Variants in RORA observed in about 807,000 individuals in gnomAD.
RORA encodes nuclear receptor ROR-alpha.
In RORA, 7 loss-of-function variants were observed where a neutral mutation model predicts 69.5. The ratio of observed to expected loss-of-function variants is 0.10; its 90% confidence interval spans 0.06 to 0.19. The LOEUF (loss-of-function observed/expected upper bound fraction) is 0.19. Ranked by LOEUF, RORA falls within the 10% of genes least tolerant of loss-of-function variation. The pLI is 1.00. For missense variants in RORA, 457 were observed against 663.0 expected, an observed-to-expected ratio of 0.69 and a Z score of 3.41; for synonymous variants, 261 against 240.8, an observed-to-expected ratio of 1.08 and a Z score of -0.78.
At chr15:60,563,001 T>A (rs10851685) in intron 2 of RORA, among the ~76,000 whole-genome samples, 134,298 of 152,184 alleles carry the variant, frequency 0.88, 59,561 homozygotes, top group African/African-American at 0.96. Context: ...TTCAATCTAT[T>A]CTCCCAGGTG....
chr15:60,987,757 C>T (rs189898445), intron 1 of RORA, among the ~76,000 whole-genome samples: 2 of 152,274 alleles, frequency 1.3e-5, no homozygotes, highest in East Asian at 3.9e-4. Flanking sequence ...TACTGGGCTG[C>T]CTTCATTTAA....
chr15:60,783,873 C>A (rs16943109), intron 1 of RORA, among the ~76,000 whole-genome samples: 2 of 152,198 alleles, frequency 1.3e-5, no homozygotes, highest in Non-Finnish European at 2.9e-5. Context: ...GAAGGAAACC[C>A]AGATCCATGT....
chr15:60,564,124 T>A (rs1019693787), intron 2 of RORA, among the ~76,000 whole-genome samples: 1 of 152,200 alleles, frequency 6.6e-6, no homozygotes, highest in Non-Finnish European at 1.5e-5. Flanking sequence ...TGTGGAGACA[T>A]GTTGAGAAGC....
chr15:60,540,574 C>CACCG (rs376142482), intron 2 of RORA, among the ~76,000 whole-genome samples: 2 of 102,644 alleles, frequency 1.9e-5, no homozygotes, highest in Non-Finnish European at 3.9e-5. Flanking sequence ...ACCCCCCCCC[C>CACCG]CCAAAACTGT....
rs546389237 is a variant in RORA at position 61,019,096 on chromosome 15, G to A, written c.166+209957C>T. 5.9e-5 allele frequency among the ~76,000 whole-genome samples: 9 copies of A among 152,216 alleles called. No homozygotes were observed. In the South Asian group the frequency reaches 1.9e-3, roughly 32 times the overall value. The stretch of plus-strand genomic sequence containing the variant: ...CCCAAATGCTCTTAACATCTCCAAA[G>A]CTCTCTAATACAAAAGGACCCAGTT... On this transcript the variant is annotated intron_variant, in intron 1 of 10. Transcript: ENST00000335670.
intron 1 of RORA, among the ~76,000 whole-genome samples, chr15:61,086,491 G>A (rs1055959587): frequency 2.0e-4 from 31 of 152,126 alleles, no homozygotes; most frequent in South Asian, 4.1e-4. Flanking sequence ...TTGCTATATT[G>A]AGTCACTGCT....
At chr15:60,866,437 G>C (rs1228918581) in intron 1 of RORA, among the ~76,000 whole-genome samples, 1 of 152,156 alleles carries the variant, frequency 6.6e-6, no homozygotes. Context: ...TTTCAGAAGG[G>C]ATAAGAGAAT....
intron 1 of RORA, among the ~76,000 whole-genome samples, chr15:60,908,748 C>A (rs886086792): frequency 6.6e-6 from 1 of 152,134 alleles, no homozygotes; most frequent in Non-Finnish European, 1.5e-5. Context: ...AAGCTTATTA[C>A]CCCCACAGAA....
intron 2 of RORA, among the ~76,000 whole-genome samples, chr15:60,605,828 T>C (rs546863570): frequency 1.3e-5 from 2 of 152,344 alleles, no homozygotes; most frequent in South Asian, 2.1e-4. Flanking sequence ...TTTAAACATA[T>C]AAATCGTCAT....
At chr15:61,082,619 T>C (rs2078562219) in intron 1 of RORA, among the ~76,000 whole-genome samples, 1 of 152,170 alleles carries the variant, frequency 6.6e-6, no homozygotes, top group Admixed American at 6.5e-5. Context: ...TGAGTATGTG[T>C]GGACAGGCAG....
At position 60,628,803 on chromosome 15, in the gene RORA, C is replaced by T. The variant is rs138008395; in HGVS notation, c.196+49854G>A. Among the ~76,000 whole-genome samples, 6 of 152,220 alleles carry T rather than the reference C, an allele frequency of 3.9e-5. No homozygotes were observed. The East Asian group carries it at 7.7e-4, about 20-fold the overall frequency. On this transcript the variant is annotated intron_variant, in intron 2 of 10. Coordinates refer to ENST00000335670, the MANE Select transcript of RORA (RefSeq NM_134261.3). ...GCTGAATAATAAAAGACGGTATGCA[C>T]CCAAATGTCAAGTAAGGAGAACCCA...
At chr15:60,984,248 T>C (rs775248498) in intron 1 of RORA, among the ~76,000 whole-genome samples, 17 of 152,106 alleles carry the variant, frequency 1.1e-4, no homozygotes, top group Non-Finnish European at 1.6e-4. Flanking sequence ...AATTACACTT[T>C]CCCTATGAAA....
chr15:60,514,526 C>G, intron 4 of RORA, 90 bp downstream of exon 4: 1 of 1,279,784 alleles, frequency 7.8e-7, no homozygotes, highest in African/African-American at 1.5e-5. Context: ...AGGGGGCAGG[C>G]GGGGCAGATA....
At chr15:61,013,809 T>C (rs1193313289) in intron 1 of RORA, among the ~76,000 whole-genome samples, 1 of 102,214 alleles carries the variant, frequency 9.8e-6, no homozygotes, top group Non-Finnish European at 1.9e-5. Context: ...TTTTGGAGGG[T>C]GTCTCGCTCG....
chr15:60,761,187 G>A (rs2071882696), intron 1 of RORA, among the ~76,000 whole-genome samples: 1 of 152,180 alleles, frequency 6.6e-6, no homozygotes, highest in African/African-American at 2.4e-5. Flanking sequence ...GCAGGATGGA[G>A]GACGTGGGGG....
At chr15:60,770,598 T>C (rs1252395958) in intron 1 of RORA, among the ~76,000 whole-genome samples, 1 of 152,116 alleles carries the variant, frequency 6.6e-6, no homozygotes, top group Non-Finnish European at 1.5e-5. Flanking sequence ...ATGAGTGAGG[T>C]TTCGTGCTCC....
chr15:60,506,182 T>A (rs2141289446), intron 5 of RORA, among the ~76,000 whole-genome samples: 1 of 152,266 alleles, frequency 6.6e-6, no homozygotes, highest in East Asian at 1.9e-4. Context: ...ACCATTTGAG[T>A]CTGTATCTCA....
rs10523030 is a variant in RORA, at chr15:61,147,766, C to CGTGTGTGTGTGTGTGTGTGTGTGTGT, written c.166+81261_166+81286dup. ...TGGTCAGTAGGCACGTGCGCACACG[C>CGTGTGTGTGTGTGTGTGTGTGTGTGT]GTGTGTGTGTGTGTGTGTGTGTGTG... is the stretch of plus-strand genomic sequence containing the variant. On this transcript the variant is annotated intron_variant, in intron 1 of 10. Coordinates refer to ENST00000335670, the MANE Select transcript of RORA (RefSeq NM_134261.3). This position sits in a 1 kb window ranked among gnomAD's most constrained non-coding sequence, Gnocchi z 4.1. Among the ~76,000 whole-genome samples the CGTGTGTGTGTGTGTGTGTGTGTGTGT allele has an allele frequency of 1.4e-5, 2 of 147,588 alleles. No homozygotes were observed. The highest frequency in any genetic ancestry group is 2.1e-4 in the East Asian group (1 of 4,862).
intron 1 of RORA, among the ~76,000 whole-genome samples, chr15:61,190,581 C>A (rs375335421): frequency 6.6e-6 from 1 of 151,980 alleles, no homozygotes; most frequent in Non-Finnish European, 1.5e-5. Context: ...GGCAACATTG[C>A]GAAACCCCAT....
Sources: allele counts gnomAD v4.1 joint callset (sites outside exome capture counted in the v4.1 genomes callset), GRCh38; gene constraint gnomAD v4.1.1; non-coding constraint Gnocchi (gnomAD v3.1); transcripts MANE v1.5; gene names NCBI Gene and HGNC (gene_info 2026-07-23, HGNC 2026-07-21).